Variants in SCAF4 observed in about 807,000 individuals in gnomAD.
SCAF4 encodes the protein SR-related and CTD-associated factor 4.
In SCAF4, 25 loss-of-function variants were observed where a neutral mutation model predicts 129.8. That is an observed-to-expected ratio of 0.19 (90% CI 0.14 to 0.27). The LOEUF is 0.27. SCAF4 is among the 10% of genes least tolerant of loss of function. The pLI is 1.00. For synonymous variants in SCAF4, 551 were observed against 497.7 expected, an observed-to-expected ratio of 1.11 and a Z score of -1.43; for missense variants, 1,246 against 1,457.1, an observed-to-expected ratio of 0.86 and a Z score of 2.36.
Position 31,690,867 on chromosome 21 carries a change from G to A in SCAF4, c.1815C>T (p.Asp605=). ...TCTCCAGTTCCTCAGGCTTGACTTT[G>A]TCCCATGGAATATAAGTAACACCAA... ...VELGVTYIPW[D]KVKPEELESF... is the part of the protein sequence containing the mutation. The change falls in exon 15 of 20, where the codon GAC becomes GAT. Residue 605 remains aspartate (D), a synonymous_variant. Coordinates refer to ENST00000286835, the MANE Select transcript of SCAF4 (RefSeq NM_020706.2). 1 of 1,613,822 alleles carries A rather than the reference G, an allele frequency of 6.2e-7. No homozygotes were observed. Among genetic ancestry groups the A allele is most frequent in the Non-Finnish European group, 8.5e-7 (1 of 1,179,828 alleles).
intron 9 of SCAF4, 91 bp downstream of exon 9, chr21:31,696,022 A>ATAGC: frequency 1.3e-6 from 1 of 767,076 alleles, no homozygotes; most frequent in Non-Finnish European, 2.1e-6. Context: ...GACTTAGCCA[A>ATAGC]TTACATAGCT....
Position 31,671,904 on chromosome 21 carries a change from G to A in SCAF4, c.2939C>T (p.Pro980Leu), listed in dbSNP as rs1413038881. Reference protein sequence around the residue: ...SQQPPPTQQQPQQFRNDNRQQ... With the variant: ...SQQPPPTQQQLQQFRNDNRQQ... ...CCTGTTATCATTTCTAAACTGCTGT[G>A]GCTGCTGCTGTGTTGGTGGAGGCTG... is the stretch of plus-strand genomic sequence containing the variant. The change falls in exon 20 of 20, where the codon CCA becomes CTA. Residue 980 changes from proline (P) to leucine (L), a missense_variant. Physicochemically the swap from Pro to Leu is moderately conservative, Grantham distance 98 (BLOSUM62 -3). Coordinates refer to ENST00000286835, the MANE Select transcript of SCAF4 (RefSeq NM_020706.2). 1 of 1,613,416 alleles carries A rather than the reference G, an allele frequency of 6.2e-7. No individual in the cohort carries two copies. Among genetic ancestry groups the A allele is most frequent in the Non-Finnish European group, 8.5e-7 (1 of 1,179,672 alleles).
intron 13 of SCAF4, 28 bp downstream of exon 13, chr21:31,692,321 G>A (rs766241431): frequency 1.3e-5 from 20 of 1,522,412 alleles, no homozygotes; most frequent in Admixed American, 1.7e-5. Flanking sequence ...CCTGTCCATC[G>A]TACTTAAAAA....
Position 31,685,238 on chromosome 21 carries a change from T to C in SCAF4, c.2299A>G (p.Thr767Ala), listed in dbSNP as rs540465862. Residue 767 changes from threonine (T) to alanine (A), a missense_variant and splice_region_variant, in exon 19 of 20, where the codon ACT (threonine) becomes GCT (alanine). Physicochemically the swap from Thr to Ala is moderately conservative, Grantham distance 58. This residue lies in a region of SCAF4 where 468 missense variants were observed against 605.5 expected (regional missense o/e 0.77). Coordinates refer to ENST00000286835, the MANE Select transcript of SCAF4 (RefSeq NM_020706.2). ...HTPPISIPNS[T>A]IAGINEDTTK... ...GTGTCTTCATTTATACCAGCGATAG[T>C]AGCTAAGGAATATAATTATATCAAC... 1.1e-5 allele frequency: 17 copies of C among 1,590,766 alleles called. No individual in the cohort carries two copies. The African/African-American group carries it at 2.1e-4, about 20-fold the overall frequency.
intron 19 of SCAF4, among the ~76,000 whole-genome samples, chr21:31,678,567 T>C (rs749147291): frequency 6.1e-5 from 9 of 146,498 alleles, no homozygotes; most frequent in Non-Finnish European, 1.1e-4. Flanking sequence ...CTCTACACCA[T>C]TTCCCACTGC....
intron 7 of SCAF4, among the ~76,000 whole-genome samples, chr21:31,698,366 G>C (rs528354064): frequency 1.9e-4 from 29 of 152,254 alleles, no homozygotes; most frequent in African/African-American, 6.5e-4. Context: ...AGAGGAATTA[G>C]AATTCACATT....
At chr21:31,727,225 C>T (rs1456049286) in intron 1 of SCAF4, among the ~76,000 whole-genome samples, 1 of 152,048 alleles carries the variant, frequency 6.6e-6, no homozygotes, top group African/African-American at 2.4e-5. Context: ...ATTACAGGCG[C>T]CTACCACCAG....
intron 1 of SCAF4, among the ~76,000 whole-genome samples, chr21:31,723,454 AAAAAAACAAAACAAAACAAACAAAAC>A (rs1236539161): frequency 6.6e-6 from 1 of 152,122 alleles, no homozygotes; most frequent in Non-Finnish European, 1.5e-5. Flanking sequence ...CTCCGTCTCA[AAAAAAACAAAACAAAACAAACAAAAC>A]AAAAAACAAA....
In SCAF4 at chr21:31,675,441, G is replaced by A. The variant is rs553428521; in HGVS notation, c.2489-3087C>T. 5.3e-5 allele frequency among the ~76,000 whole-genome samples: 8 copies of A among 152,330 alleles called. No homozygotes were observed. The East Asian group carries it at 1.5e-3, about 29-fold the overall frequency. On this transcript the variant is annotated intron_variant, in intron 19 of 19. Coordinates refer to ENST00000286835, the MANE Select transcript of SCAF4 (RefSeq NM_020706.2). ...TGATAGTGACAAGAGACTGAAGTGA[G>A]AGGTGCTAGAGATGGAGGACACACT...
intron 19 of SCAF4, among the ~76,000 whole-genome samples, chr21:31,674,767 G>T (rs2049807692): frequency 6.6e-6 from 1 of 152,174 alleles, no homozygotes; most frequent in Admixed American, 6.5e-5. Flanking sequence ...TGATATCACT[G>T]ATGAGTTTTC....
At chr21:31,699,820 G>A (rs561962544) in intron 7 of SCAF4, among the ~76,000 whole-genome samples, 2 of 152,298 alleles carry the variant, frequency 1.3e-5, no homozygotes, top group African/African-American at 4.8e-5. Context: ...ACAGACAAGA[G>A]TGGAGCTGTT....
intron 1 of SCAF4, among the ~76,000 whole-genome samples, chr21:31,709,055 G>A (rs1001764443): frequency 6.6e-6 from 1 of 152,198 alleles, no homozygotes; most frequent in Non-Finnish European, 1.5e-5. Context: ...AAAGCTTTGT[G>A]TGAAATCTCT....
chr21:31,671,853 T>G lies in SCAF4; in HGVS notation c.2990A>C (p.Gln997Pro), dbSNP rs765418961. 30 of 1,614,112 alleles carry G rather than the reference T, an allele frequency of 1.9e-5. No individual in the cohort carries two copies. Among genetic ancestry groups the G allele is most frequent in the African/African-American group, 2.7e-5 (2 of 74,942 alleles). Residue 997 changes from glutamine (Q) to proline (P), a missense_variant, in exon 20 of 20, where the codon CAA becomes CCA. Gln to Pro is a moderately conservative substitution (Grantham distance 76). Around this residue, in one of 6 missense-constraint regions of SCAF4, gnomAD observed 339 missense variants for 325.0 expected, o/e 1.04. Coordinates refer to ENST00000286835, the MANE Select transcript of SCAF4 (RefSeq NM_020706.2). ...AAAAGATCTTCTTCCAAACCTTTCT[T>G]GGTCTCTACCTGAATTGAACTGCTG... ...NRQQFNSGRD[Q>P]ERFGRRSFGN... is the part of the protein sequence containing the mutation.
intron 19 of SCAF4, among the ~76,000 whole-genome samples, chr21:31,678,766 T>C (rs969605935): frequency 3.3e-5 from 5 of 152,202 alleles, no homozygotes; most frequent in Non-Finnish European, 7.3e-5. Context: ...TCATTACTGG[T>C]TCAGATGCCT....
At chr21:31,687,413 A>T (rs1041598093) in intron 16 of SCAF4, among the ~76,000 whole-genome samples, 1 of 152,214 alleles carries the variant, frequency 6.6e-6, no homozygotes, top group African/African-American at 2.4e-5. Flanking sequence ...ACTGAAGCTT[A>T]TAAGTGAAGT....
chr21:31,727,748 G>A (rs1039720044), intron 1 of SCAF4, among the ~76,000 whole-genome samples: 2 of 151,628 alleles, frequency 1.3e-5, no homozygotes, highest in Admixed American at 6.6e-5. Flanking sequence ...CTGAGATTGC[G>A]CCACTGCACT....
chr21:31,708,998 T>C (rs2050734445), intron 1 of SCAF4, among the ~76,000 whole-genome samples: 1 of 152,216 alleles, frequency 6.6e-6, no homozygotes, highest in Non-Finnish European at 1.5e-5. Context: ...ACAAGATTAT[T>C]TCATAGGAGA....
intron 14 of SCAF4, 57 bp from the exon 15 acceptor site, chr21:31,691,010 AG>A (rs1043602733): frequency 5.5e-6 from 8 of 1,456,652 alleles, no homozygotes; most frequent in Non-Finnish European, 7.5e-6. Context: ...GTAAGTCTTG[AG>A]GGTATTATTC....
At chr21:31,719,448 T>C (rs2051018139) in intron 1 of SCAF4, among the ~76,000 whole-genome samples, 1 of 152,206 alleles carries the variant, frequency 6.6e-6, no homozygotes, top group Non-Finnish European at 1.5e-5. Flanking sequence ...TAAGTATTAA[T>C]AGTTAATTTC....
Sources: allele counts gnomAD v4.1 joint callset (sites outside exome capture counted in the v4.1 genomes callset), GRCh38; gene constraint gnomAD v4.1.1; regional missense constraint gnomAD v4.1.1; transcripts MANE v1.5; gene names NCBI Gene and HGNC (gene_info 2026-07-23, HGNC 2026-07-21).